FHIT: variants seen among roughly 807,000 people sequenced by gnomAD.
FHIT encodes the protein fragile histidine triad diadenosine triphosphatase.
A neutral mutation model predicts 17.9 loss-of-function variants in FHIT; 19 were observed. That is an observed-to-expected ratio of 1.06 (90% CI 0.74 to 1.56). The LOEUF (loss-of-function observed/expected upper bound fraction) is 1.56. Among genes scored for constraint, FHIT ranks in the 40% most tolerant of loss-of-function variants. The probability of loss-of-function intolerance (pLI) is 0.00; values close to 1 mark genes in which losing one functional copy is unlikely to be tolerated. For missense variants in FHIT, 248 were observed against 189.2 expected (o/e 1.31, Z -1.82); for synonymous variants, 81 against 69.7 (o/e 1.16, Z -0.81).
chr3:61,174,870 C>G (rs1256166475), intron 2 of FHIT, among the ~76,000 whole-genome samples: 1 of 152,322 alleles, frequency 6.6e-6, no homozygotes, highest in East Asian at 1.9e-4. Flanking sequence ...ATTATCCAAA[C>G]TGTCCTATTC....
At chr3:60,832,716 TAA>T in intron 3 of FHIT, among the ~76,000 whole-genome samples, 1 of 151,208 alleles carries the variant, frequency 6.6e-6, no homozygotes, top group East Asian at 1.9e-4. Flanking sequence ...AGAGGCACCA[TAA>T]AAGTCGTTTT....
intron 5 of FHIT, among the ~76,000 whole-genome samples, chr3:60,309,925 C>T (rs1167006136): frequency 2.0e-5 from 3 of 152,082 alleles, no homozygotes; most frequent in South Asian, 2.1e-4. Flanking sequence ...CTTAATCACA[C>T]GTGCTTTCAG....
At chr3:60,381,929 T>C (rs1335027976) in intron 5 of FHIT, among the ~76,000 whole-genome samples, 1 of 152,010 alleles carries the variant, frequency 6.6e-6, no homozygotes, top group Admixed American at 6.6e-5. Flanking sequence ...TGCTGTCCAA[T>C]ATGGTAGGTG....
intron 5 of FHIT, among the ~76,000 whole-genome samples, chr3:60,408,366 T>C (rs1422591924): frequency 6.6e-6 from 1 of 152,066 alleles, no homozygotes; most frequent in Non-Finnish European, 1.5e-5. Context: ...AATCCACATA[T>C]GTCTATCCGG....
intron 8 of FHIT, among the ~76,000 whole-genome samples, chr3:59,892,091 T>G (rs928570561): frequency 5.3e-5 from 8 of 152,342 alleles, no homozygotes; most frequent in African/African-American, 1.7e-4. Context: ...TCTGAGATCC[T>G]TGACTTACCT....
chr3:60,713,801 A>C (rs1553705869), intron 4 of FHIT, among the ~76,000 whole-genome samples: 1 of 151,922 alleles, frequency 6.6e-6, no homozygotes, highest in African/African-American at 2.4e-5. Context: ...ATAGCTTACC[A>C]ACCAAAAAGA....
At chr3:60,334,395 C>T (rs1421671766) in intron 5 of FHIT, among the ~76,000 whole-genome samples, 1 of 152,146 alleles carries the variant, frequency 6.6e-6, no homozygotes, top group Non-Finnish European at 1.5e-5. Context: ...ATACAAGAGT[C>T]TCTAGACTTT....
chr3:59,854,168 C>A (rs1295964029), intron 8 of FHIT, among the ~76,000 whole-genome samples: 1 of 152,122 alleles, frequency 6.6e-6, no homozygotes, highest in Non-Finnish European at 1.5e-5. Flanking sequence ...GCAAGGAAAT[C>A]CCCAGAAGCC....
chr3:60,445,025 G>T (rs1198091135), intron 5 of FHIT, among the ~76,000 whole-genome samples: 4 of 152,124 alleles, frequency 2.6e-5, no homozygotes, highest in East Asian at 3.9e-4. Flanking sequence ...TTCTTGATGG[G>T]GCACTATGGC....
At chr3:61,162,760 C>T (rs2037733503) in intron 2 of FHIT, among the ~76,000 whole-genome samples, 1 of 152,124 alleles carries the variant, frequency 6.6e-6, no homozygotes, top group South Asian at 2.1e-4. Context: ...TGCCTATAGG[C>T]AAGCAAATTG....
At chr3:60,818,098 A>G (rs1701800984) in intron 4 of FHIT, among the ~76,000 whole-genome samples, 1 of 151,926 alleles carries the variant, frequency 6.6e-6, no homozygotes. Flanking sequence ...CAGGATTTCT[A>G]TTTGGTTCTT....
At chr3:60,533,422 T>C (rs534560285) in intron 5 of FHIT, among the ~76,000 whole-genome samples, 6 of 152,262 alleles carry the variant, frequency 3.9e-5, no homozygotes, top group African/African-American at 9.6e-5. Context: ...GTCTCGTCCA[T>C]AGGAAGCAAA....
chr3:61,141,886 C>T (rs962596115), intron 2 of FHIT, among the ~76,000 whole-genome samples: 8 of 151,494 alleles, frequency 5.3e-5, no homozygotes, highest in African/African-American at 1.9e-4. Context: ...GGGAAATCTG[C>T]ATCACCGGGA....
At chr3:59,906,735 T>G (rs1413218280) in intron 8 of FHIT, among the ~76,000 whole-genome samples, 1 of 152,236 alleles carries the variant, frequency 6.6e-6, no homozygotes, top group East Asian at 1.9e-4. Flanking sequence ...TTCCTTCTTT[T>G]GAATGATGCT....
chr3:61,011,097 C>A (rs943596308), intron 3 of FHIT, among the ~76,000 whole-genome samples: 1 of 152,126 alleles, frequency 6.6e-6, no homozygotes, highest in South Asian at 2.1e-4. Context: ...TACTGAAAAA[C>A]CAGAGAAATT....
intron 5 of FHIT, among the ~76,000 whole-genome samples, chr3:60,143,489 G>C (rs558078130): frequency 1.2e-4 from 19 of 152,088 alleles, no homozygotes; most frequent in Non-Finnish European, 2.2e-4. Flanking sequence ...ACACAAAGCA[G>C]TATGGAGCAG....
At chr3:61,188,180 G>A (rs374622839) in intron 2 of FHIT, among the ~76,000 whole-genome samples, 20 of 152,110 alleles carry the variant, frequency 1.3e-4, no homozygotes, top group East Asian at 7.7e-4. Flanking sequence ...TTGATAGACC[G>A]CTAGCAAGAC....
intron 4 of FHIT, among the ~76,000 whole-genome samples, chr3:60,746,076 A>C (rs937463289): frequency 6.6e-6 from 1 of 152,222 alleles, no homozygotes; most frequent in Non-Finnish European, 1.5e-5. Flanking sequence ...TTAGCACTGC[A>C]CCTGATTTTT....
At chr3:60,007,862 A>G (rs1310639769) in intron 7 of FHIT, among the ~76,000 whole-genome samples, 1 of 152,156 alleles carries the variant, frequency 6.6e-6, no homozygotes, top group East Asian at 1.9e-4. Flanking sequence ...ACCTACTTGC[A>G]TGGGTGTTAG....
Sources: gnomAD v4.1 joint callset for allele counts (sites outside exome capture counted in the v4.1 genomes callset) on GRCh38, gnomAD v4.1.1 for gene constraint, MANE v1.5 for transcripts, NCBI Gene and HGNC (gene_info 2026-07-23, HGNC 2026-07-21) for gene names.